Variants in LOC128462377 observed in about 807,000 individuals in gnomAD.
the LOC128462377 span, among the ~76,000 whole-genome samples, chr16:89,386,925 C>T: frequency 6.6e-6 from 1 of 152,072 alleles, no homozygotes; most frequent in Admixed American, 6.5e-5. Context: ...CACGCCTCGA[C>T]CACCGAGTCA....
the LOC128462377 span, among the ~76,000 whole-genome samples, chr16:89,383,653 G>A: frequency 2.6e-4 from 39 of 149,712 alleles, no homozygotes; most frequent in African/African-American, 9.1e-4. Context: ...AGCAGACGTC[G>A]AGCCCCTACC....
chr16:89,369,220 G>A, the LOC128462377 span, among the ~76,000 whole-genome samples: 2 of 152,014 alleles, frequency 1.3e-5, no homozygotes, highest in African/African-American at 2.4e-5. Flanking sequence ...TCAAAGGGCT[G>A]GTCTCCAAAC....
the LOC128462377 span, among the ~76,000 whole-genome samples, chr16:89,341,144 C>G: frequency 6.6e-6 from 1 of 152,196 alleles, no homozygotes; most frequent in Non-Finnish European, 1.5e-5. Flanking sequence ...AAGGTTTCCA[C>G]TGCGAAAAGC....
the LOC128462377 span, among the ~76,000 whole-genome samples, chr16:89,402,723 G>C: frequency 6.8e-6 from 1 of 147,704 alleles, no homozygotes; most frequent in African/African-American, 2.5e-5. Flanking sequence ...AGAGGGGGCA[G>C]GGGCTCTGTG....
the LOC128462377 span, among the ~76,000 whole-genome samples, chr16:89,368,237 C>A: frequency 1.3e-5 from 2 of 151,828 alleles, no homozygotes; most frequent in Non-Finnish European, 2.9e-5. Flanking sequence ...GCTCTGTTGC[C>A]CAGGCCAGAC....
chr16:89,357,168 C>A, the LOC128462377 span, among the ~76,000 whole-genome samples: 1 of 152,168 alleles, frequency 6.6e-6, no homozygotes, highest in Non-Finnish European at 1.5e-5. Flanking sequence ...GTAGGCTCGG[C>A]CAGAGCTACA....
the LOC128462377 span, among the ~76,000 whole-genome samples, chr16:89,390,088 C>CCG: frequency 2.0e-5 from 1 of 50,450 alleles, no homozygotes. Flanking sequence ...GCGGGGAGCA[C>CCG]AGACAGAGAA....
At chr16:89,393,948 G>C in the LOC128462377 span, among the ~76,000 whole-genome samples, 1 of 152,178 alleles carries the variant, frequency 6.6e-6, no homozygotes, top group East Asian at 1.9e-4. Flanking sequence ...GTTTACTTGT[G>C]AGGGCTACGA....
At chr16:89,368,772 G>A in the LOC128462377 span, among the ~76,000 whole-genome samples, 1 of 152,030 alleles carries the variant, frequency 6.6e-6, no homozygotes, top group Non-Finnish European at 1.5e-5. Context: ...CAGGTGTGGT[G>A]GTGCACGCCT....
the LOC128462377 span, among the ~76,000 whole-genome samples, chr16:89,394,479 T>C: frequency 2.0e-5 from 3 of 151,944 alleles, no homozygotes; most frequent in African/African-American, 4.8e-5. Flanking sequence ...AATACAAAAA[T>C]TAGCTGTGCG....
chr16:89,390,029 A>G, the LOC128462377 span, among the ~76,000 whole-genome samples: 25 of 47,702 alleles, frequency 5.2e-4, no homozygotes, highest in South Asian at 2.1e-3. Flanking sequence ...ACCGAGTGTG[A>G]CGGGGAGCAC....
chr16:89,344,887 G>A, the LOC128462377 span, among the ~76,000 whole-genome samples: 94,732 of 152,136 alleles, frequency 0.62, 30,112 homozygotes, highest in African/African-American at 0.75. Context: ...ACCTCAAACT[G>A]TATTTTCCTT....
the LOC128462377 span, among the ~76,000 whole-genome samples, chr16:89,415,358 A>G: frequency 5.1e-5 from 7 of 136,646 alleles, no homozygotes; most frequent in Non-Finnish European, 7.6e-5. Context: ...TCCGCCTCCC[A>G]GGTTCACGCC....
At chr16:89,363,941 G>C in the LOC128462377 span, among the ~76,000 whole-genome samples, 1 of 152,130 alleles carries the variant, frequency 6.6e-6, no homozygotes, top group Non-Finnish European at 1.5e-5. Flanking sequence ...CATGCCTGCA[G>C]TCCCAGCAAC....
the LOC128462377 span, among the ~76,000 whole-genome samples, chr16:89,396,709 C>G: frequency 4.6e-5 from 7 of 152,098 alleles, no homozygotes; most frequent in African/African-American, 1.7e-4. Context: ...GTTTTTGGGA[C>G]GGAGTTTTAC....
the LOC128462377 span, chr16:89,324,615 CG>C: frequency 2.3e-6 from 1 of 429,138 alleles, no homozygotes; most frequent in African/African-American, 2.0e-5. Flanking sequence ...GGCAGATCTG[CG>C]GAAGCACTGG....
the LOC128462377 span, among the ~76,000 whole-genome samples, chr16:89,322,261 A>G: frequency 6.6e-6 from 1 of 152,234 alleles, no homozygotes; most frequent in Non-Finnish European, 1.5e-5. Context: ...ATGTGACAAC[A>G]TTACCCTCCG....
At chr16:89,365,712 A>G in the LOC128462377 span, among the ~76,000 whole-genome samples, 1 of 151,954 alleles carries the variant, frequency 6.6e-6, no homozygotes, top group Non-Finnish European at 1.5e-5. Flanking sequence ...CAGAAACCCA[A>G]CGTTTTTTTT....
At chr16:89,378,097 C>T in the LOC128462377 span, among the ~76,000 whole-genome samples, 2 of 152,166 alleles carry the variant, frequency 1.3e-5, no homozygotes, top group Non-Finnish European at 2.9e-5. Context: ...CACTTATAAT[C>T]CCAGTGCACT....
Sources: gnomAD v4.1 joint callset for allele counts (sites outside exome capture counted in the v4.1 genomes callset) on GRCh38, gnomAD v4.1.1 for gene constraint, MANE v1.5 for transcripts.